AKAP12: variants seen among roughly 807,000 people sequenced by gnomAD.
AKAP12 encodes the protein A-kinase anchoring protein 12.
A neutral mutation model predicts 79.9 loss-of-function variants in AKAP12; 32 were observed. That is an observed-to-expected ratio of 0.40 (90% confidence interval 0.30 to 0.54). AKAP12 has a LOEUF of 0.54. Ranked by LOEUF, AKAP12 falls within the 20% of genes least tolerant of loss-of-function variation. The pLI is 0.48. For synonymous variants in AKAP12, 808 were observed against 857.0 expected, an observed-to-expected ratio of 0.94 and a Z score of 1.00; for missense variants, 2,074 against 2,177.0, an observed-to-expected ratio of 0.95 and a Z score of 0.94.
chr6:151,348,682 C>CCCT, intron 3 of AKAP12, 29 bp from the exon 4 acceptor site: 9 of 198,914 alleles, frequency 4.5e-5, no homozygotes, highest in South Asian at 1.1e-4. Context: ...TTCTCTTCTC[C>CCCT]CCACCCCCCC....
At chr6:151,312,681 A>T (rs1011674644) in intron 3 of AKAP12, among the ~76,000 whole-genome samples, 1 of 150,820 alleles carries the variant, frequency 6.6e-6, no homozygotes, top group Admixed American at 6.6e-5. Flanking sequence ...AGTCCCAGCC[A>T]CTTGGGAGGC....
At chr6:151,266,315 T>C (rs560910899) in intron 2 of AKAP12, among the ~76,000 whole-genome samples, 25 of 152,352 alleles carry the variant, frequency 1.6e-4, no homozygotes, top group African/African-American at 5.8e-4. Context: ...CTGTCATTGC[T>C]TATTTCTTTC....
intron 2 of AKAP12, among the ~76,000 whole-genome samples, chr6:151,254,450 C>G (rs1314392157): frequency 6.6e-6 from 1 of 151,962 alleles, no homozygotes; most frequent in Non-Finnish European, 1.5e-5. Flanking sequence ...CTCCCAGGTT[C>G]AAGAGATTCT....
intron 3 of AKAP12, among the ~76,000 whole-genome samples, chr6:151,326,611 A>G (rs546728360): frequency 6.6e-6 from 1 of 152,136 alleles, no homozygotes; most frequent in Non-Finnish European, 1.5e-5. Context: ...ACTTACACGC[A>G]TCAAACTTTT....
chr6:151,327,230 T>G (rs1777552146), intron 3 of AKAP12, among the ~76,000 whole-genome samples: 1 of 152,040 alleles, frequency 6.6e-6, no homozygotes. Context: ...ATGTGAAAGT[T>G]CAGCAATACT....
intron 2 of AKAP12, among the ~76,000 whole-genome samples, chr6:151,247,326 A>C (rs534511233): frequency 5.5e-4 from 84 of 152,234 alleles, no homozygotes; most frequent in African/African-American, 1.9e-3. Context: ...GCTTCCACCC[A>C]GGAGTATGAG....
intron 2 of AKAP12, among the ~76,000 whole-genome samples, chr6:151,302,157 C>T (rs1776876608): frequency 6.6e-6 from 1 of 151,950 alleles, no homozygotes; most frequent in Non-Finnish European, 1.5e-5. Context: ...ATTATAGGCG[C>T]ACACCACCAC....
chr6:151,310,921 A>C (rs1387554540), intron 3 of AKAP12, among the ~76,000 whole-genome samples: 1 of 152,200 alleles, frequency 6.6e-6, no homozygotes, highest in South Asian at 2.1e-4. Flanking sequence ...TTCACAGGTC[A>C]CATTTGTTTC....
chr6:151,290,161 G>A (rs1042651498), intron 2 of AKAP12, among the ~76,000 whole-genome samples: 1 of 152,138 alleles, frequency 6.6e-6, no homozygotes, highest in Non-Finnish European at 1.5e-5. Context: ...ACCTATTAAT[G>A]CTTATAGGGA....
chr6:151,323,899 C>G (rs1010470723), intron 3 of AKAP12: 10 of 985,262 alleles, frequency 1.0e-5, no homozygotes, highest in Non-Finnish European at 1.2e-5. Context: ...GAACCAAGCC[C>G]TCAGATCCCA....
intron 2 of AKAP12, among the ~76,000 whole-genome samples, chr6:151,240,928 G>A (rs919720769): frequency 6.6e-6 from 1 of 152,094 alleles, no homozygotes; most frequent in Admixed American, 6.5e-5. Context: ...CGAGCGCGGC[G>A]GGGGGCTTGC....
At chr6:151,344,936 AAAATT>A (rs546179027) in intron 3 of AKAP12, among the ~76,000 whole-genome samples, 89 of 152,366 alleles carry the variant, frequency 5.8e-4, no homozygotes, top group African/African-American at 2.0e-3. Context: ...CATAAATAAG[AAAATT>A]AAATTGTTTT....
chr6:151,352,160 A>G lies in AKAP12; in HGVS notation c.3769A>G (p.Ile1257Val), dbSNP rs2114830309. 1 of 1,614,222 alleles carries G rather than the reference A, an allele frequency of 6.2e-7. No homozygotes were observed. The highest frequency in any genetic ancestry group is 1.3e-5 in the African/African-American group (1 of 75,064). Reference sequence around the variant, plus strand: ...AGAGGTGTCAGTGGAAACTGTATCCATTCTGTCAAAGACTGAGGGGACTCA... The same window carrying G: ...AGAGGTGTCAGTGGAAACTGTATCCGTTCTGTCAAAGACTGAGGGGACTCA... ...DKEVSVETVS[I>V]LSKTEGTQEA... The change falls in exon 4 of 5, where the codon ATT becomes GTT. Residue 1257 changes from isoleucine to valine, a missense_variant. By Grantham distance (29) the Ile-to-Val change is conservative. Coordinates refer to ENST00000402676, the MANE Select transcript of AKAP12 (RefSeq NM_005100.4).
intron 3 of AKAP12, chr6:151,319,531 TATATATATAGATATAG>T (rs1263050004): frequency 1.1e-5 from 1 of 88,596 alleles, no homozygotes; most frequent in Non-Finnish European, 2.2e-5. Flanking sequence ...TATATAGATA[TATATATATAGATATAG>T]ATATATATAT....
Position 151,277,308 on chromosome 6 carries a change from A to G in AKAP12, c.163-28439A>G, listed in dbSNP as rs117767704. Among the ~76,000 whole-genome samples the G allele has an allele frequency of 5.5e-3, 832 of 152,302 alleles. 8 individuals are homozygous for G. The highest frequency in any genetic ancestry group is 6.2e-3 in the Non-Finnish European group (423 of 68,032). On this transcript the variant is annotated intron_variant, in intron 2 of 4. Transcript: ENST00000402676. The stretch of plus-strand genomic sequence containing the variant: ...TAAGCAATATGTATGCTCTTGATTT[A>G]AAAGACAGCCTGGATTTTATCTTTT...
intron 3 of AKAP12, among the ~76,000 whole-genome samples, chr6:151,327,758 G>A (rs1777565738): frequency 6.6e-6 from 1 of 152,150 alleles, no homozygotes; most frequent in Admixed American, 6.5e-5. Flanking sequence ...TCAGGTAATT[G>A]GCTCTATTGC....
chr6:151,288,837 G>A (rs569459794), intron 2 of AKAP12, among the ~76,000 whole-genome samples: 2 of 152,288 alleles, frequency 1.3e-5, no homozygotes, highest in East Asian at 1.9e-4. Flanking sequence ...TCTGTGTTCC[G>A]CTGTATTGCT....
Position 151,278,543 on chromosome 6 carries a change from T to A in AKAP12, c.163-27204T>A, listed in dbSNP as rs528235175. Among the ~76,000 whole-genome samples, 5 of 151,974 alleles carry A rather than the reference T, an allele frequency of 3.3e-5. No individual in the cohort carries two copies. In the South Asian group the frequency reaches 1.0e-3, roughly 32 times the overall value. Reference sequence around the variant, plus strand: ...GTCATGTGTTTTTATCAAAGAAGAATCATAGCATCGTAAATCCAGTTGGAG... The same window carrying A: ...GTCATGTGTTTTTATCAAAGAAGAAACATAGCATCGTAAATCCAGTTGGAG... On this transcript the variant is annotated intron_variant, in intron 2 of 4. Transcript: ENST00000402676.
At chr6:151,242,671 C>A (rs1797000898) in intron 2 of AKAP12, among the ~76,000 whole-genome samples, 2 of 152,220 alleles carry the variant, frequency 1.3e-5, no homozygotes, top group African/African-American at 4.8e-5. Flanking sequence ...TTCCTGACCT[C>A]CAAGTAATCC....
Sources: gnomAD v4.1 joint callset for allele counts (sites outside exome capture counted in the v4.1 genomes callset) on GRCh38, gnomAD v4.1.1 for gene constraint, MANE v1.5 for transcripts, NCBI Gene and HGNC (gene_info 2026-07-23, HGNC 2026-07-21) for gene names.